PITRM1: variants seen among roughly 807,000 people sequenced by gnomAD.
PITRM1 encodes pitrilysin metallopeptidase 1.
A neutral mutation model predicts 129.9 loss-of-function variants in PITRM1; 100 were observed. That is an observed-to-expected ratio of 0.77 (90% CI 0.65 to 0.91). PITRM1 has a LOEUF of 0.91. Among genes scored for constraint, PITRM1 ranks in the 40% least tolerant of loss-of-function variants. PITRM1 has a pLI of 0.00. For missense variants in PITRM1, 1,471 were observed against 1,318.3 expected (o/e 1.12, Z -1.79); for synonymous variants, 591 against 508.8 (o/e 1.16, Z -2.17).
At chr10:3,167,589 CTT>C (rs1842977195) in intron 2 of PITRM1, among the ~76,000 whole-genome samples, 1 of 152,116 alleles carries the variant, frequency 6.6e-6, no homozygotes, top group African/African-American at 2.4e-5. Context: ...GTGTCTCCTG[CTT>C]TTGTGTGCTG....
intron 13 of PITRM1, among the ~76,000 whole-genome samples, chr10:3,156,146 T>C (rs1346694088): frequency 6.6e-6 from 1 of 152,232 alleles, no homozygotes; most frequent in Non-Finnish European, 1.5e-5. Context: ...ACTATTAAGC[T>C]CTAAAAGGCT....
intron 14 of PITRM1, among the ~76,000 whole-genome samples, chr10:3,154,289 G>A (rs4880597): frequency 0.49 from 73,961 of 152,082 alleles, 18,209 homozygotes; most frequent in South Asian, 0.53. Flanking sequence ...AGCTTTGTGC[G>A]GACGCCTGTT....
chr10:3,138,919 C>T lies in PITRM1; in HGVS notation c.2902G>A (p.Ala968Thr), dbSNP rs755277217. The T allele has an allele frequency of 4.3e-6, 7 of 1,613,812 alleles. No individual in the cohort carries two copies. Among genetic ancestry groups the T allele is most frequent in the Middle Eastern group, 1.6e-4 (1 of 6,062 alleles). ...CTCAAAATACCTTTGTCTGAAGGAG[C>T]GACAGGAGCATCTACGGTTGAGAAG... ...SVFSTVDAPV[A>T]PSDKGMDHFL... Residue 968 changes from alanine (A) to threonine (T), a missense_variant, in exon 25 of 27, where the codon GCT becomes ACT. Ala to Thr is a moderately conservative substitution (Grantham distance 58, BLOSUM62 0). Coordinates refer to ENST00000224949, the MANE Select transcript of PITRM1 (RefSeq NM_014889.4).
At chr10:3,166,459 A>T (rs1427955519) in intron 3 of PITRM1, 79 bp from the exon 4 acceptor site, 2 of 753,378 alleles carry the variant, frequency 2.7e-6, no homozygotes, top group East Asian at 5.6e-5. Flanking sequence ...TCATCACCTC[A>T]GGCTACTAGA....
At chr10:3,168,136 G>A (rs367656087) in intron 2 of PITRM1, among the ~76,000 whole-genome samples, 6 of 151,958 alleles carry the variant, frequency 3.9e-5, no homozygotes, top group Admixed American at 1.3e-4. Context: ...CTGGCCAAGC[G>A]CACACAGTAA....
intron 14 of PITRM1, among the ~76,000 whole-genome samples, chr10:3,152,525 G>T (rs1316942824): frequency 6.6e-6 from 1 of 152,146 alleles, no homozygotes; most frequent in East Asian, 1.9e-4. Context: ...CTCCACAGGT[G>T]CCCCACTGTG....
chr10:3,170,468 A>C (rs781084649), intron 1 of PITRM1, among the ~76,000 whole-genome samples: 1 of 152,166 alleles, frequency 6.6e-6, no homozygotes, highest in Non-Finnish European at 1.5e-5. Flanking sequence ...ATACAATTAC[A>C]GTTTAAATTC....
At chr10:3,172,210 C>T in intron 1 of PITRM1, 1 of 457,118 alleles carries the variant, frequency 2.2e-6, no homozygotes, top group Non-Finnish European at 4.4e-6. Flanking sequence ...TCGTGGATTA[C>T]CATGAACACT....
At position 3,150,449 on chromosome 10, in the gene PITRM1, C is replaced by T. The variant is rs1054792639; in HGVS notation, c.1739-696G>A. ...ATAAATGAGATACAAACATGACAAG[C>T]GCTGTCAGAAGACAAAAGGTGGGCT... On this transcript the variant is annotated intron_variant, in intron 15 of 26. Coordinates refer to ENST00000224949, the MANE Select transcript of PITRM1 (RefSeq NM_014889.4). 2.6e-5 allele frequency among the ~76,000 whole-genome samples: 4 copies of T among 152,246 alleles called. 1 individual carries two copies. Among genetic ancestry groups the T allele is most frequent in the South Asian group, 4.1e-4 (2 of 4,826 alleles).
chr10:3,140,666 G>A, intron 24 of PITRM1, 21 bp downstream of exon 24: 1 of 1,589,420 alleles, frequency 6.3e-7, no homozygotes. Context: ...ATCCCAATGT[G>A]TGAACTAGAG....
rs772662045 is a variant in PITRM1 at position 3,149,611 on chromosome 10, C to T, written c.1871+10G>A. On this transcript the variant is annotated intron_variant, in intron 16 of 26. Coordinates refer to ENST00000224949, the MANE Select transcript of PITRM1 (RefSeq NM_014889.4). ...TAATAAGACACACAAGGGTATGTTG[C>T]GACTCGTACTTGGTGAGGACGCTGC... The T allele has an allele frequency of 1.1e-5, 17 of 1,542,392 alleles. No individual in the cohort carries two copies. Among genetic ancestry groups the T allele is most frequent in the South Asian group, 7.5e-5 (6 of 80,384 alleles).
chr10:3,152,127 T>C (rs1168936326), intron 14 of PITRM1, among the ~76,000 whole-genome samples: 1 of 152,122 alleles, frequency 6.6e-6, no homozygotes, highest in Non-Finnish European at 1.5e-5. Context: ...CAAATTACAG[T>C]GGTGCTTAGA....
chr10:3,149,361 C>T (rs1044535992), intron 16 of PITRM1: 6 of 316,278 alleles, frequency 1.9e-5, no homozygotes, highest in African/African-American at 1.1e-4. Flanking sequence ...TCAATCCTTT[C>T]CAAAGCTTCA....
intron 17 of PITRM1, 44 bp from the exon 18 acceptor site, chr10:3,148,107 G>A (rs1193220302): frequency 1.3e-5 from 21 of 1,613,484 alleles, no homozygotes; most frequent in African/African-American, 5.3e-5. Flanking sequence ...GGGCCGAATC[G>A]AACAGTGACA....
Position 3,147,903 on chromosome 10 carries a change from G to A in PITRM1, c.2069+84C>T, listed in dbSNP as rs865827868. On this transcript the variant is annotated intron_variant, in intron 18 of 26. Transcript: ENST00000224949. Reference sequence around the variant, plus strand: ...AGACTTGGAAAACAACAACACACACGAGTAAAACTGTCTCCTTTAAAGTAC... The same window carrying A: ...AGACTTGGAAAACAACAACACACACAAGTAAAACTGTCTCCTTTAAAGTAC... 7.5e-5 allele frequency: 91 copies of A among 1,215,698 alleles called. 2 individuals are homozygous for A. The Middle Eastern group carries it at 7.3e-3, about 98-fold the overall frequency. 75.3% of individuals were successfully genotyped at this position (1,215,698 alleles called of 1,614,324 possible).
chr10:3,144,908 G>A (rs904612006), intron 21 of PITRM1: 1 of 152,556 alleles, frequency 6.6e-6, no homozygotes, highest in African/African-American at 2.4e-5. Context: ...TTGTTATATG[G>A]TACAAAGAAA....
At chr10:3,160,351 A>C in intron 7 of PITRM1, 21 bp from the exon 8 acceptor site, 1 of 1,584,294 alleles carries the variant, frequency 6.3e-7, no homozygotes, top group Non-Finnish European at 8.7e-7. Flanking sequence ...AAGGGAATAT[A>C]ATTAGTCTGT....
At chr10:3,166,444 A>C in intron 3 of PITRM1, 64 bp from the exon 4 acceptor site, 1 of 787,554 alleles carries the variant, frequency 1.3e-6, no homozygotes, top group South Asian at 2.6e-5. Context: ...CAGTTCCCAG[A>C]TGCATCATCA....
rs376418473 is a variant in PITRM1, at chr10:3,147,232, T to C, written c.2254A>G (p.Ile752Val). ...GGTTTGATATCTGTCATTTCTGCAA[T>C]CCTCTTCATCAGCCGCACCTAAGCC... ...GMDQVRLMKR[I>V]AEMTDIKPIL... Residue 752 changes from isoleucine to valine, a missense_variant, in exon 20 of 27, where the codon ATT becomes GTT. Ile to Val is a conservative substitution (Grantham distance 29). Coordinates refer to ENST00000224949, the MANE Select transcript of PITRM1 (RefSeq NM_014889.4). 6.2e-7 allele frequency: 1 copy of C among 1,612,660 alleles called. No homozygotes were observed. Among genetic ancestry groups the C allele is most frequent in the Non-Finnish European group, 8.5e-7 (1 of 1,178,718 alleles).
Sources: allele counts gnomAD v4.1 joint callset (sites outside exome capture counted in the v4.1 genomes callset), GRCh38; gene constraint gnomAD v4.1.1; transcripts MANE v1.5; gene names NCBI Gene and HGNC (gene_info 2026-07-23, HGNC 2026-07-21).